Variants in BMAL1 observed in about 807,000 individuals in gnomAD.
The protein encoded by BMAL1 is basic helix-loop-helix ARNT like 1.
chr11:13,369,712 G>A, the BMAL1 span: 3 of 1,614,064 alleles, frequency 1.9e-6, no homozygotes, highest in South Asian at 3.3e-5. Context: ...AGTGTAACAG[G>A]CCTTCAGTAA....
chr11:13,325,147 G>A, the BMAL1 span, among the ~76,000 whole-genome samples: 1 of 152,244 alleles, frequency 6.6e-6, no homozygotes, highest in Non-Finnish European at 1.5e-5. Context: ...GGGAGAGACT[G>A]TTGACACTCT....
chr11:13,338,415 A>C, the BMAL1 span, among the ~76,000 whole-genome samples: 1 of 152,216 alleles, frequency 6.6e-6, no homozygotes, highest in Non-Finnish European at 1.5e-5. Context: ...CATTTTAGAA[A>C]GGTTTTCAGT....
At chr11:13,360,727 G>A in the BMAL1 span, among the ~76,000 whole-genome samples, 170 of 152,336 alleles carry the variant, frequency 1.1e-3, no homozygotes, top group Non-Finnish European at 1.7e-3. Flanking sequence ...TCTGCATGAA[G>A]ATTTTAGGAA....
At chr11:13,337,694 T>A in the BMAL1 span, among the ~76,000 whole-genome samples, 1 of 152,252 alleles carries the variant, frequency 6.6e-6, no homozygotes, top group African/African-American at 2.4e-5. Context: ...AGATTGAGCA[T>A]GTTTTTGTAT....
At chr11:13,315,624 C>T in the BMAL1 span, among the ~76,000 whole-genome samples, 1 of 152,192 alleles carries the variant, frequency 6.6e-6, no homozygotes, top group South Asian at 2.1e-4. Flanking sequence ...CCACCGTTCC[C>T]TCTGCTCCAA....
the BMAL1 span, among the ~76,000 whole-genome samples, chr11:13,333,170 T>G: frequency 3.9e-5 from 6 of 152,218 alleles, no homozygotes; most frequent in South Asian, 1.2e-3. Flanking sequence ...TTTTGCCATG[T>G]TGGCCAGGCT....
At chr11:13,317,902 G>A in the BMAL1 span, among the ~76,000 whole-genome samples, 167 of 152,370 alleles carry the variant, frequency 1.1e-3, no homozygotes, top group Non-Finnish European at 2.0e-3. Context: ...CTGGCTTGCA[G>A]ATGTGTTTTG....
At chr11:13,281,675 C>T in the BMAL1 span, among the ~76,000 whole-genome samples, 1 of 152,000 alleles carries the variant, frequency 6.6e-6, no homozygotes, top group African/African-American at 2.4e-5. Flanking sequence ...ACACCTGGCT[C>T]ATTTTTGTAT....
chr11:13,316,021 G>T, the BMAL1 span, among the ~76,000 whole-genome samples: 34 of 152,312 alleles, frequency 2.2e-4, no homozygotes, highest in African/African-American at 8.2e-4. Context: ...TGTTCCTTCT[G>T]CCCACTCCCT....
the BMAL1 span, among the ~76,000 whole-genome samples, chr11:13,288,096 C>A: frequency 0.017 from 2,569 of 152,172 alleles, 89 homozygotes; most frequent in African/African-American, 0.058. Context: ...AGTGGCTGAG[C>A]GGAAACAGCA....
chr11:13,280,956 G>T, the BMAL1 span, among the ~76,000 whole-genome samples: 1 of 152,196 alleles, frequency 6.6e-6, no homozygotes, highest in African/African-American at 2.4e-5. Context: ...CCATGGCTCA[G>T]GTTTGGGCTT....
the BMAL1 span, among the ~76,000 whole-genome samples, chr11:13,320,998 T>G: frequency 2.6e-5 from 4 of 152,244 alleles, no homozygotes; most frequent in South Asian, 2.1e-4. Context: ...AAAGTTACAT[T>G]GTTTTTTATG....
the BMAL1 span, among the ~76,000 whole-genome samples, chr11:13,304,159 C>T: frequency 2.0e-5 from 3 of 152,080 alleles, no homozygotes; most frequent in Non-Finnish European, 4.4e-5. Flanking sequence ...TCTCACAGGG[C>T]TCACTCTGGC....
At chr11:13,360,453 A>G in the BMAL1 span, 1 of 1,592,238 alleles carries the variant, frequency 6.3e-7, no homozygotes, top group Non-Finnish European at 8.6e-7. Flanking sequence ...TTGTTTTACA[A>G]CGTTTGTTTT....
the BMAL1 span, among the ~76,000 whole-genome samples, chr11:13,342,621 C>T: frequency 6.6e-6 from 1 of 151,758 alleles, no homozygotes; most frequent in Admixed American, 6.6e-5. Flanking sequence ...ACCAGCATTC[C>T]CTATACGTAT....
chr11:13,374,283 C>G, the BMAL1 span: 1 of 1,303,086 alleles, frequency 7.7e-7, no homozygotes, highest in Non-Finnish European at 1.1e-6. Flanking sequence ...CCAGGGAAAT[C>G]TGTCCACTGA....
At chr11:13,301,574 C>G in the BMAL1 span, among the ~76,000 whole-genome samples, 1 of 152,276 alleles carries the variant, frequency 6.6e-6, no homozygotes, top group South Asian at 2.1e-4. Flanking sequence ...TTTTATGGAA[C>G]TAGTTGCATT....
At chr11:13,305,614 G>C in the BMAL1 span, among the ~76,000 whole-genome samples, 1 of 152,202 alleles carries the variant, frequency 6.6e-6, no homozygotes, top group African/African-American at 2.4e-5. Context: ...GCCTGATTGT[G>C]TGGCCAGGAC....
the BMAL1 span, among the ~76,000 whole-genome samples, chr11:13,328,472 G>A: frequency 6.6e-6 from 1 of 152,122 alleles, no homozygotes; most frequent in African/African-American, 2.4e-5. Context: ...CGTGGAGCAA[G>A]CCTGCCACAT....
Sources: allele counts gnomAD v4.1 joint callset (sites outside exome capture counted in the v4.1 genomes callset), GRCh38; gene constraint gnomAD v4.1.1; transcripts MANE v1.5; gene names NCBI Gene and HGNC (gene_info 2026-07-23, HGNC 2026-07-21).